The following ARFGAP1 variants were observed in gnomAD, a reference collection of about 807,000 sequenced individuals.
ARFGAP1 encodes ARF GTPase activating protein 1.
In ARFGAP1, 26 loss-of-function variants were observed where a neutral mutation model predicts 54.0. The observed-to-expected ratio is 0.48, with a 90% confidence interval of 0.35 to 0.67. The LOEUF is 0.67. Among genes scored for constraint, ARFGAP1 ranks in the 30% least tolerant of loss-of-function variants. The probability of loss-of-function intolerance (pLI) is 0.00; values close to 1 mark genes in which losing one functional copy is unlikely to be tolerated. For missense variants in ARFGAP1, 525 were observed against 535.8 expected (o/e 0.98, Z 0.20); for synonymous variants, 248 against 211.9 (o/e 1.17, Z -1.48).
chr20:63,287,210 C>T (rs779767562), intron 12 of ARFGAP1, among the ~76,000 whole-genome samples: 4 of 152,276 alleles, frequency 2.6e-5, no homozygotes, highest in East Asian at 3.8e-4. Flanking sequence ...CTGAGGGCGT[C>T]GCTCGGGAGG....
chr20:63,274,734 C>T (rs566091499), intron 1 of ARFGAP1, among the ~76,000 whole-genome samples: 4 of 152,264 alleles, frequency 2.6e-5, no homozygotes, highest in East Asian at 1.9e-4. Context: ...TCCCCCTTGA[C>T]GCTGGGGTTG....
chr20:63,283,751 G>C, intron 9 of ARFGAP1: 1 of 1,351,284 alleles, frequency 7.4e-7, no homozygotes, highest in Non-Finnish European at 1.0e-6. Flanking sequence ...TGCTGCCTTA[G>C]TGTTGCGGCA....
rs1308969338 is a variant in ARFGAP1 at position 63,282,830 on chromosome 20, T to C, written c.696T>C (p.Phe232=). The C allele has an allele frequency of 6.2e-7, 1 of 1,614,114 alleles. No individual in the cohort carries two copies. Among genetic ancestry groups the C allele is most frequent in the Admixed American group, 1.7e-5 (1 of 60,032 alleles). Residue 232 remains phenylalanine, a synonymous_variant, in exon 9 of 13, where the codon TTT becomes TTC. Transcript: ENST00000370283. ...ASAAKEGATK[F]GSQASQKASE... ...GTTTTTCATTTTAGGCTACAAAGTT[T>C]GGATCCCAAGCGAGTCAGAAGGTAA...
intron 10 of ARFGAP1, chr20:63,285,434 G>T: frequency 1.7e-6 from 1 of 597,510 alleles, no homozygotes; most frequent in Middle Eastern, 3.6e-4. Flanking sequence ...GCAGTGGCCG[G>T]CAGGGGCCAC....
intron 10 of ARFGAP1, 54 bp downstream of exon 10, chr20:63,284,976 G>GGGTGT: frequency 6.3e-7 from 1 of 1,595,578 alleles, no homozygotes; most frequent in Admixed American, 1.7e-5. Context: ...CAGGGGACGT[G>GGGTGT]GGTGTGTCAG....
In ARFGAP1 at chr20:63,284,931, C is replaced by A; in HGVS notation, c.774+9C>A. 1 of 1,613,182 alleles carries A rather than the reference C, an allele frequency of 6.2e-7. No homozygotes were observed. Among genetic ancestry groups the A allele is most frequent in the Non-Finnish European group, 8.5e-7 (1 of 1,179,824 alleles). On this transcript the variant is annotated intron_variant, in intron 10 of 12. Transcript: ENST00000370283. ...AGCCTGCGCAGGAGAAGGTAACGGG[C>A]AGCTCCGGGTGGTTGTGCCTGGAGC... is the stretch of plus-strand genomic sequence containing the variant.
intron 8 of ARFGAP1, among the ~76,000 whole-genome samples, chr20:63,282,148 C>A (rs1043102497): frequency 6.6e-6 from 1 of 152,194 alleles, no homozygotes; most frequent in Non-Finnish European, 1.5e-5. Flanking sequence ...GGCCCCGTGT[C>A]TTCCCTGGGA....
At chr20:63,285,837 C>CT in intron 11 of ARFGAP1, 124 bp downstream of exon 11, 2 of 1,488,202 alleles carry the variant, frequency 1.3e-6, no homozygotes, top group Admixed American at 3.6e-5. Flanking sequence ...CCGCTGTCCT[C>CT]TGAGACGGGA....
intron 10 of ARFGAP1, 176 bp from the exon 11 acceptor site, chr20:63,285,478 T>G: frequency 1.5e-6 from 1 of 670,512 alleles, no homozygotes; most frequent in Non-Finnish European, 2.6e-6. Flanking sequence ...GTGACATGGT[T>G]TCTTGATGCT....
intron 4 of ARFGAP1, 74 bp from the exon 5 acceptor site, chr20:63,277,131 C>A: frequency 7.5e-7 from 1 of 1,334,396 alleles, no homozygotes; most frequent in Non-Finnish European, 1.0e-6. Context: ...GTGGGGGGTG[C>A]GCTGGAGTCG....
chr20:63,284,457 T>G, intron 9 of ARFGAP1: 1 of 1,098,510 alleles, frequency 9.1e-7, no homozygotes, highest in Non-Finnish European at 1.1e-6. Flanking sequence ...CTCCGTGCCC[T>G]CTTCCCTCCA....
Position 63,278,881 on chromosome 20 carries a change from T to C in ARFGAP1, c.531-18T>C. The C allele has an allele frequency of 1.9e-6, 3 of 1,613,690 alleles. No individual in the cohort carries two copies. Among genetic ancestry groups the C allele is most frequent in the Non-Finnish European group, 2.5e-6 (3 of 1,179,590 alleles). ...GTTCATGCCAGCATCTTCGGCCTCT[T>C]GTCCGCTTTGTTTTCAGGGCCCAGG... On this transcript the variant is annotated intron_variant, in intron 6 of 12. Transcript: ENST00000370283.
In ARFGAP1 at chr20:63,276,156, C is replaced by T. The variant is rs527279436; in HGVS notation, c.126C>T (p.Cys42=). The part of the protein sequence containing the change: ...WVSVTYGIWI[C]LECSGRHRGL... ...GTGTGACCTACGGCATCTGGATCTG[C>T]CTGGAGTGCTCGGGGAGACACCGCG... The change falls in exon 3 of 13, where the codon TGC becomes TGT. Residue 42 remains cysteine (C), a synonymous_variant. Coordinates refer to ENST00000370283, the MANE Select transcript of ARFGAP1 (RefSeq NM_018209.4). The surrounding 1 kb of genome is among the most constrained non-coding windows in gnomAD (Gnocchi z 5.2). 205 of 1,614,062 alleles carry T rather than the reference C, an allele frequency of 1.3e-4. 2 individuals are homozygous for T. In the South Asian group the frequency reaches 2.1e-3, roughly 17 times the overall value.
In ARFGAP1 at chr20:63,278,921, G is replaced by A. The variant is rs1292925834; in HGVS notation, c.553G>A (p.Gly185Arg). 2 of 1,614,038 alleles carry A rather than the reference G, an allele frequency of 1.2e-6. No individual in the cohort carries two copies. The highest frequency in any genetic ancestry group is 1.7e-6 in the Non-Finnish European group (2 of 1,180,026). ...CAGGGCCCAGGGGAATCGCTACGTG[G>A]GGTTTGGGAACACGCCACCGCCTCA... ...YQGAQGNRYVGFGNTPPPQKK... is the reference protein window; with the variant it reads ...YQGAQGNRYVRFGNTPPPQKK... Residue 185 changes from glycine (G) to arginine (R), a missense_variant, in exon 7 of 13, where the codon GGG becomes AGG. Coordinates refer to ENST00000370283, the MANE Select transcript of ARFGAP1 (RefSeq NM_018209.4).
chr20:63,285,539 T>G, intron 10 of ARFGAP1, 115 bp from the exon 11 acceptor site: 1 of 1,080,526 alleles, frequency 9.3e-7, no homozygotes, highest in Non-Finnish European at 1.4e-6. Context: ...GCCTGATGGG[T>G]ATCCACATGC....
At chr20:63,284,294 CT>C (rs2067465124) in intron 9 of ARFGAP1, 7 of 1,086,958 alleles carry the variant, frequency 6.4e-6, no homozygotes, top group Non-Finnish European at 7.8e-6. Context: ...GAGTTCTTCC[CT>C]TTCCGGCCTT....
intron 8 of ARFGAP1, 152 bp downstream of exon 8, chr20:63,281,499 C>T: frequency 1.0e-6 from 1 of 959,106 alleles, no homozygotes; most frequent in South Asian, 1.6e-5. Context: ...GCAGTACCAG[C>T]CAGGGTGGTC....
chr20:63,276,673 T>A lies in ARFGAP1; in HGVS notation c.342+22T>A. Reference sequence around the variant, plus strand: ...TAAGGTAGAGATGGGCCCGATTCACTCTTGCCCATGGTGTGGGGCTGCCCT... The same window carrying A: ...TAAGGTAGAGATGGGCCCGATTCACACTTGCCCATGGTGTGGGGCTGCCCT... On this transcript the variant is annotated intron_variant, in intron 4 of 12. Coordinates refer to ENST00000370283, the MANE Select transcript of ARFGAP1 (RefSeq NM_018209.4). The surrounding 1 kb of genome is among the most constrained non-coding windows in gnomAD (Gnocchi z 5.2). 1.3e-6 allele frequency: 2 copies of A among 1,585,766 alleles called. No individual in the cohort carries two copies. Among genetic ancestry groups the A allele is most frequent in the Non-Finnish European group, 1.7e-6 (2 of 1,163,918 alleles).
rs773623585 is a variant in ARFGAP1, at chr20:63,278,885, C to G, written c.531-14C>G. 1 of 1,613,790 alleles carries G rather than the reference C, an allele frequency of 6.2e-7. No individual in the cohort carries two copies. The highest frequency in any genetic ancestry group is 8.5e-7 in the Non-Finnish European group (1 of 1,179,700). Reference sequence around the variant, plus strand: ...ATGCCAGCATCTTCGGCCTCTTGTCCGCTTTGTTTTCAGGGCCCAGGGGAA... The same window carrying G: ...ATGCCAGCATCTTCGGCCTCTTGTCGGCTTTGTTTTCAGGGCCCAGGGGAA... On this transcript the variant is annotated splice_polypyrimidine_tract_variant and intron_variant, in intron 6 of 12. Coordinates refer to ENST00000370283, the MANE Select transcript of ARFGAP1 (RefSeq NM_018209.4).
Sources: allele counts gnomAD v4.1 joint callset (sites outside exome capture counted in the v4.1 genomes callset), GRCh38; gene constraint gnomAD v4.1.1; non-coding constraint Gnocchi (gnomAD v3.1); transcripts MANE v1.5; gene names NCBI Gene and HGNC (gene_info 2026-07-23, HGNC 2026-07-21).